The following NAV2 variants were observed in gnomAD, a reference collection of about 807,000 sequenced individuals.
NAV2 encodes the protein helicase, APC down-regulated 1.
NAV2 carries 54 observed loss-of-function variants against 223.2 expected under a neutral mutation model. The observed-to-expected ratio is 0.24, with a 90% CI of 0.19 to 0.30. The LOEUF is 0.30. Among genes scored for constraint, NAV2 ranks in the 10% least tolerant of loss-of-function variants. The probability of loss-of-function intolerance (pLI) is 1.00; values close to 1 mark genes in which losing one functional copy is unlikely to be tolerated. For missense variants in NAV2, 2,806 were observed against 3,147.5 expected, an observed-to-expected ratio of 0.89 and a Z score of 2.60; for synonymous variants, 1,279 against 1,239.3, an observed-to-expected ratio of 1.03 and a Z score of -0.67.
At chr11:19,377,653 G>C (rs577783019) in intron 1 of NAV2, among the ~76,000 whole-genome samples, 1 of 145,720 alleles carries the variant, frequency 6.9e-6, no homozygotes, top group East Asian at 2.1e-4. Flanking sequence ...TAGGTCTTCA[G>C]GTTGAAGGAG....
At chr11:19,759,761 G>A (rs1481420494) in intron 1 of NAV2, among the ~76,000 whole-genome samples, 1 of 152,104 alleles carries the variant, frequency 6.6e-6, no homozygotes, top group African/African-American at 2.4e-5. Flanking sequence ...GTTTTTTAAT[G>A]TGAACTGAAA....
At chr11:19,819,472 C>G (rs539362801) in intron 1 of NAV2, among the ~76,000 whole-genome samples, 1 of 152,140 alleles carries the variant, frequency 6.6e-6, no homozygotes, top group Non-Finnish European at 1.5e-5. Context: ...CCAGTTCACA[C>G]AGAAGCCTGG....
chr11:19,497,732 A>G, intron 1 of NAV2, among the ~76,000 whole-genome samples: 1 of 152,010 alleles, frequency 6.6e-6, no homozygotes, highest in East Asian at 1.9e-4. Flanking sequence ...AAAGCCACAG[A>G]CAGAAAATGG....
chr11:20,057,326 T>C (rs1056413274), intron 19 of NAV2, among the ~76,000 whole-genome samples: 1 of 152,230 alleles, frequency 6.6e-6, no homozygotes, highest in African/African-American at 2.4e-5. Flanking sequence ...CCCCCTGGTT[T>C]ATTTTCTTGG....
At chr11:19,475,805 G>A (rs987011246) in intron 1 of NAV2, among the ~76,000 whole-genome samples, 6 of 152,230 alleles carry the variant, frequency 3.9e-5, no homozygotes, top group African/African-American at 9.6e-5. Context: ...CATAAAAATC[G>A]GTCTGTCCTG....
At chr11:19,898,137 T>G (rs1373581858) in intron 6 of NAV2, among the ~76,000 whole-genome samples, 1 of 152,068 alleles carries the variant, frequency 6.6e-6, no homozygotes, top group African/African-American at 2.4e-5. Flanking sequence ...ATTTGAAACA[T>G]TTGGTATTCC....
intron 1 of NAV2, among the ~76,000 whole-genome samples, chr11:19,490,176 C>T (rs148146527): frequency 4.6e-5 from 7 of 152,240 alleles, no homozygotes; most frequent in South Asian, 4.2e-4. Flanking sequence ...TGCTAGTGGA[C>T]GGTCTTGCCT....
In NAV2 at chr11:19,553,127, C is replaced by T. The variant is rs1590501494; in HGVS notation, c.75+202100C>T. ...GAGGAGAGGCATTCCTGTTCCCTTG[C>T]AAGAGCCGGGCTCAGAAGGACTCTT... On this transcript the variant is annotated intron_variant, in intron 1 of 37. Transcript: ENST00000360655. 2.0e-5 allele frequency among the ~76,000 whole-genome samples: 3 copies of T among 152,178 alleles called. No individual in the cohort carries two copies. In the South Asian group the frequency reaches 6.2e-4, roughly 31 times the overall value.
intron 22 of NAV2, among the ~76,000 whole-genome samples, chr11:20,070,957 A>T (rs1378892027): frequency 6.6e-6 from 1 of 151,940 alleles, no homozygotes; most frequent in Non-Finnish European, 1.5e-5. Flanking sequence ...AGGTTTTTTA[A>T]ATTTTTTTTT....
Position 19,604,904 on chromosome 11 carries a change from C to A in NAV2, c.76-227580C>A, listed in dbSNP as rs151238107. 2.4e-3 allele frequency among the ~76,000 whole-genome samples: 368 copies of A among 152,284 alleles called. 2 individuals are homozygous for A. The highest frequency in any genetic ancestry group is 8.5e-3 in the African/African-American group (353 of 41,552). ...TTCCCTGCACAAGCTCTCTCTTTGC[C>A]TGCTGCCATCCATGTAAGACATGAC... is the stretch of plus-strand genomic sequence containing the variant. On this transcript the variant is annotated intron_variant, in intron 1 of 37. Coordinates refer to the NAV2 transcript ENST00000360655.
intron 1 of NAV2, among the ~76,000 whole-genome samples, chr11:19,391,394 A>G (rs1849242874): frequency 6.6e-6 from 1 of 152,218 alleles, no homozygotes; most frequent in African/African-American, 2.4e-5. Context: ...TTTCCAGAAG[A>G]ATTGTCCTTA....
intron 1 of NAV2, among the ~76,000 whole-genome samples, chr11:19,373,662 A>T (rs1412563256): frequency 6.6e-6 from 1 of 152,108 alleles, no homozygotes; most frequent in Non-Finnish European, 1.5e-5. Flanking sequence ...CACTTGTCCT[A>T]CCTAAAATGA....
chr11:20,042,840 G>A (rs1288594367), intron 12 of NAV2, among the ~76,000 whole-genome samples: 2 of 152,036 alleles, frequency 1.3e-5, no homozygotes, highest in Admixed American at 6.5e-5. Flanking sequence ...GCTGCTTCTC[G>A]CTACTGACAT....
At chr11:19,765,600 C>G (rs1322892625) in intron 1 of NAV2, among the ~76,000 whole-genome samples, 1 of 152,184 alleles carries the variant, frequency 6.6e-6, no homozygotes, top group Non-Finnish European at 1.5e-5. Flanking sequence ...CTGACTCTTG[C>G]TCTATACAAG....
intron 1 of NAV2, among the ~76,000 whole-genome samples, chr11:19,531,161 C>G (rs2044017453): frequency 6.6e-6 from 1 of 152,172 alleles, no homozygotes; most frequent in South Asian, 2.1e-4. Flanking sequence ...GGATTAGGCA[C>G]TAAACATGAC....
chr11:19,382,454 T>A (rs55665984), intron 1 of NAV2, among the ~76,000 whole-genome samples: 26 of 152,204 alleles, frequency 1.7e-4, no homozygotes, highest in Admixed American at 9.8e-4. Context: ...AAGCAGCGTC[T>A]GCCGTTCATG....
In NAV2 at chr11:19,806,546, G is replaced by A. The variant is rs59499823; in HGVS notation, c.268-25938G>A. On this transcript the variant is annotated intron_variant, in intron 1 of 37. Coordinates refer to ENST00000349880, the MANE Select transcript of NAV2 (RefSeq NM_145117.5). ...ATGATTGATAACCTGGTCTTTGAAA[G>A]CAGAAAACCTTGGTCGAATGTCAGC... Among the ~76,000 whole-genome samples, 1,182 of 152,318 alleles carry A rather than the reference G, an allele frequency of 7.8e-3. 15 individuals carry two copies. The highest frequency in any genetic ancestry group is 0.027 in the African/African-American group (1,134 of 41,566).
intron 1 of NAV2, among the ~76,000 whole-genome samples, chr11:19,607,296 G>A (rs2046504571): frequency 6.6e-6 from 1 of 152,168 alleles, no homozygotes; most frequent in African/African-American, 2.4e-5. Context: ...GAGCCCTCTT[G>A]GCCCAGAGGA....
intron 22 of NAV2, among the ~76,000 whole-genome samples, chr11:20,071,824 T>G (rs1239039085): frequency 6.6e-6 from 1 of 152,166 alleles, no homozygotes; most frequent in Non-Finnish European, 1.5e-5. Context: ...TTTATAAATT[T>G]GTTTAAGTTC....
Sources: gnomAD v4.1 joint callset for allele counts (sites outside exome capture counted in the v4.1 genomes callset) on GRCh38, gnomAD v4.1.1 for gene constraint, MANE v1.5 for transcripts, NCBI Gene and HGNC (gene_info 2026-07-23, HGNC 2026-07-21) for gene names.